SATL1: variants seen among roughly 807,000 people sequenced by gnomAD.
The protein encoded by SATL1 is spermidine/spermine N1-acetyl transferase like 1.
Under a neutral mutation model 51.8 loss-of-function variants are expected in SATL1, and 47 were observed. That is an observed-to-expected ratio of 0.91 (90% CI 0.72 to 1.16). The LOEUF (loss-of-function observed/expected upper bound fraction) is 1.16, where lower values mean the gene tolerates loss of function less well. Among genes scored for constraint, SATL1 ranks in the 50% most tolerant of loss-of-function variants. The probability of loss-of-function intolerance (pLI) is 0.00; values close to 1 mark genes in which losing one functional copy is unlikely to be tolerated. For synonymous variants in SATL1, 176 were observed against 182.4 expected (o/e 0.97, Z 0.28); for missense variants, 520 against 526.4 (o/e 0.99, Z 0.12).
intron 2 of SATL1, among the ~76,000 whole-genome samples, chrX:85,134,902 G>A (rs773569539): frequency 1.4e-4 from 16 of 111,517 alleles, no homozygotes; most frequent in Admixed American, 3.8e-4. Flanking sequence ...TTATCCTGAA[G>A]GCAACTGAGA....
intron 2 of SATL1, among the ~76,000 whole-genome samples, chrX:85,179,444 A>G (rs1453061125): frequency 8.9e-6 from 1 of 111,882 alleles, no homozygotes; most frequent in African/African-American, 3.2e-5. Context: ...GCATGTGATC[A>G]GCATCTGAGA....
intron 2 of SATL1, among the ~76,000 whole-genome samples, chrX:85,174,325 CT>C (rs748867418): frequency 4.6e-3 from 466 of 100,875 alleles, no homozygotes; most frequent in African/African-American, 0.012. Context: ...ATGGATAAAA[CT>C]TTTTTTTTTT....
intron 2 of SATL1, among the ~76,000 whole-genome samples, chrX:85,137,443 T>C (rs1213074624): frequency 9.0e-6 from 1 of 110,945 alleles, no homozygotes; most frequent in Non-Finnish European, 1.9e-5. Context: ...ATCTTCAAAA[T>C]ATACCCCAAA....
intron 2 of SATL1, among the ~76,000 whole-genome samples, chrX:85,166,254 A>G (rs113535913): frequency 0.01 from 1,138 of 111,687 alleles, 17 homozygotes; most frequent in African/African-American, 0.035. Flanking sequence ...AGGTACCTGC[A>G]ACAACAACAA....
chrX:85,121,941 G>A (rs1403519036), intron 2 of SATL1, among the ~76,000 whole-genome samples: 1 of 108,945 alleles, frequency 9.2e-6, no homozygotes, highest in African/African-American at 3.3e-5. Flanking sequence ...TCATTCCAAT[G>A]TATACATATA....
At chrX:85,176,932 C>T (rs900736144) in intron 2 of SATL1, among the ~76,000 whole-genome samples, 7 of 111,659 alleles carry the variant, frequency 6.3e-5, no homozygotes, top group Non-Finnish European at 9.4e-5. Flanking sequence ...GATATATCAA[C>T]ATCATGTAAT....
intron 1 of SATL1, among the ~76,000 whole-genome samples, chrX:85,228,344 C>T (rs901354582): frequency 1.4e-4 from 16 of 110,852 alleles, no homozygotes; most frequent in African/African-American, 5.2e-4. Context: ...CTTATCTGCC[C>T]TATTAATTTC....
Position 85,108,006 on chromosome X carries a change from T to C in SATL1, c.963A>G (p.Thr321=). The part of the protein sequence containing the change: ...INQPGMKQPG[T]WQLGRSQPGM... ...CTGGTTGGCTCCTACCTAATTGCCA[T>C]GTGCCTGGTTGTTTCATGCCAGGTT... is the stretch of plus-strand genomic sequence containing the variant. The change falls in exon 3 of 8, where the codon ACA becomes ACG. Residue 321 remains threonine, a synonymous_variant. Transcript: ENST00000644105. 8.3e-7 allele frequency: 1 copy of C among 1,210,919 alleles called. No individual in the cohort carries two copies. Among genetic ancestry groups the C allele is most frequent in the Non-Finnish European group, 1.1e-6 (1 of 895,313 alleles).
chrX:85,194,115 A>G (rs1291158568), intron 2 of SATL1, among the ~76,000 whole-genome samples: 1 of 112,004 alleles, frequency 8.9e-6, no homozygotes. Flanking sequence ...ACAATGGTTG[A>G]ACTAATTTAC....
chrX:85,183,594 A>G (rs1453076407), intron 2 of SATL1, among the ~76,000 whole-genome samples: 2 of 111,447 alleles, frequency 1.8e-5, no homozygotes, highest in Admixed American at 9.6e-5. Flanking sequence ...ATATAAAAAA[A>G]TTATGTGAAG....
intron 2 of SATL1, among the ~76,000 whole-genome samples, chrX:85,150,549 T>C (rs1302506708): frequency 9.0e-6 from 1 of 110,499 alleles, no homozygotes; most frequent in Non-Finnish European, 1.9e-5. Flanking sequence ...TGATGAACAT[T>C]GATGCAAAAA....
intron 2 of SATL1, among the ~76,000 whole-genome samples, chrX:85,126,845 C>A (rs55838708): frequency 0.063 from 6,840 of 107,835 alleles, 283 homozygotes; most frequent in South Asian, 0.21. Context: ...TTTACCCCCC[C>A]CACCACACCC....
At chrX:85,234,655 C>A (rs1778939543) in intron 1 of SATL1, among the ~76,000 whole-genome samples, 1 of 109,953 alleles carries the variant, frequency 9.1e-6, no homozygotes, top group Non-Finnish European at 1.9e-5. Flanking sequence ...TAATGGATTA[C>A]AAGATATTCT....
At chrX:85,144,213 T>G (rs1163945109) in intron 2 of SATL1, among the ~76,000 whole-genome samples, 3 of 112,015 alleles carry the variant, frequency 2.7e-5, no homozygotes, top group African/African-American at 9.7e-5. Flanking sequence ...AAGGTGTAAG[T>G]CAAACTTTTA....
chrX:85,102,051 A>C (rs1395034034), intron 4 of SATL1, among the ~76,000 whole-genome samples: 2 of 100,248 alleles, frequency 2.0e-5, no homozygotes, highest in Non-Finnish European at 4.0e-5. Context: ...ATTTTTTTTA[A>C]TTTATTTTTT....
At chrX:85,152,374 G>C (rs2147722575) in intron 2 of SATL1, among the ~76,000 whole-genome samples, 1 of 111,804 alleles carries the variant, frequency 8.9e-6, no homozygotes, top group South Asian at 3.8e-4. Context: ...TGGTGGGATT[G>C]TAAACTAGTT....
intron 2 of SATL1, among the ~76,000 whole-genome samples, chrX:85,150,446 T>G (rs1225940667): frequency 9.3e-6 from 1 of 108,017 alleles, no homozygotes; most frequent in African/African-American, 3.4e-5. Flanking sequence ...AAAGAGGGAA[T>G]CCTCCCTAAC....
intron 2 of SATL1, among the ~76,000 whole-genome samples, chrX:85,134,213 T>TTG (rs1262586553): frequency 1.8e-5 from 2 of 109,687 alleles, no homozygotes; most frequent in Non-Finnish European, 3.8e-5. Context: ...GTGTGTGTGT[T>TTG]TGTGTGTGTG....
intron 2 of SATL1, among the ~76,000 whole-genome samples, chrX:85,181,910 TG>T (rs1324276577): frequency 9.0e-6 from 1 of 111,634 alleles, no homozygotes; most frequent in African/African-American, 3.3e-5. Flanking sequence ...TGGATTTTTT[TG>T]TACATTTGAA....
Sources: allele counts gnomAD v4.1 joint callset (sites outside exome capture counted in the v4.1 genomes callset), GRCh38; gene constraint gnomAD v4.1.1; transcripts MANE v1.5; gene names NCBI Gene and HGNC (gene_info 2026-07-23, HGNC 2026-07-21).